Variants in FAM200C observed in about 807,000 individuals in gnomAD.
the FAM200C span, chr5:160,395,281 T>C: frequency 3.7e-6 from 6 of 1,614,182 alleles, no homozygotes; most frequent in East Asian, 4.5e-5. Context: ...CAGATGGTGC[T>C]GGCATATGCT....
the FAM200C span, chr5:160,395,238 C>T: frequency 1.1e-5 from 18 of 1,613,834 alleles, no homozygotes; most frequent in South Asian, 1.3e-4. Context: ...TCATGAGATG[C>T]AACTCCAAAT....
the FAM200C span, among the ~76,000 whole-genome samples, chr5:160,396,698 G>GA: frequency 0.033 from 1,556 of 47,838 alleles, 30 homozygotes; most frequent in African/African-American, 0.085. Flanking sequence ...AGTCTCTGTG[G>GA]AAAAAAAAAA....
At chr5:160,394,412 T>G in the FAM200C span, 1 of 1,613,556 alleles carries the variant, frequency 6.2e-7, no homozygotes. Context: ...ATCAACTAAA[T>G]TACTGCTCTT....
At chr5:160,393,670 TAA>T in the FAM200C span, 56 of 1,358,478 alleles carry the variant, frequency 4.1e-5, no homozygotes, top group African/African-American at 7.0e-4. Context: ...ACAATGATAT[TAA>T]GATTGAAATT....
At chr5:160,399,489 C>G in the FAM200C span, 2 of 152,210 alleles carry the variant, frequency 1.3e-5, no homozygotes, top group Admixed American at 1.3e-4. Context: ...TTACATTTTA[C>G]AGTTAAAATC....
the FAM200C span, chr5:160,394,050 T>TA: frequency 1.1e-5 from 17 of 1,611,376 alleles, no homozygotes; most frequent in Non-Finnish European, 1.4e-5. Flanking sequence ...AAATCGATAT[T>TA]AAAAAGAAAT....
At chr5:160,394,898 C>T in the FAM200C span, 1 of 1,612,804 alleles carries the variant, frequency 6.2e-7, no homozygotes, top group Non-Finnish European at 8.5e-7. Context: ...TACGATCTCT[C>T]TTTCTTTTAT....
chr5:160,394,045 G>A, the FAM200C span: 26 of 1,611,070 alleles, frequency 1.6e-5, no homozygotes, highest in African/African-American at 3.1e-4. Context: ...CAACAAAATC[G>A]ATATTAAAAA....
the FAM200C span, among the ~76,000 whole-genome samples, chr5:160,396,698 G>A: frequency 0.1 from 5,014 of 47,974 alleles, 277 homozygotes; most frequent in South Asian, 0.13. Context: ...AGTCTCTGTG[G>A]AAAAAAAAAA....
At chr5:160,397,854 C>G in the FAM200C span, among the ~76,000 whole-genome samples, 1 of 152,184 alleles carries the variant, frequency 6.6e-6, no homozygotes, top group African/African-American at 2.4e-5. Context: ...ACCATAAATG[C>G]TTATTTTTCT....
chr5:160,396,300 T>C, the FAM200C span, among the ~76,000 whole-genome samples: 2 of 152,182 alleles, frequency 1.3e-5, no homozygotes, highest in Non-Finnish European at 2.9e-5. Flanking sequence ...ATTTGAACCT[T>C]GAGCAGTTTT....
the FAM200C span, among the ~76,000 whole-genome samples, chr5:160,398,186 G>A: frequency 3.3e-5 from 5 of 152,102 alleles, no homozygotes; most frequent in African/African-American, 1.2e-4. Flanking sequence ...AGGTTGCTGT[G>A]AGCTGAGATC....
the FAM200C span, among the ~76,000 whole-genome samples, chr5:160,395,975 A>G: frequency 6.6e-6 from 1 of 152,180 alleles, no homozygotes. Context: ...CTAAATAAGG[A>G]AGGGTGGATT....
chr5:160,395,882 T>C, the FAM200C span, among the ~76,000 whole-genome samples: 3 of 152,174 alleles, frequency 2.0e-5, no homozygotes, highest in Non-Finnish European at 2.9e-5. Context: ...AAAGGGCATC[T>C]CACTACCACC....
chr5:160,399,773 C>G, the FAM200C span: 1 of 119,570 alleles, frequency 8.4e-6, no homozygotes. Context: ...AGAACGCCAG[C>G]TGCTAGGAAA....
chr5:160,394,513 AAGG>A, the FAM200C span: 1 of 1,614,148 alleles, frequency 6.2e-7, no homozygotes, highest in Non-Finnish European at 8.5e-7. Context: ...CAGTATGGAA[AAGG>A]AGGACACTAT....
At chr5:160,395,230 A>G in the FAM200C span, 1 of 1,614,042 alleles carries the variant, frequency 6.2e-7, no homozygotes, top group African/African-American at 1.3e-5. Flanking sequence ...AAGTATCCTC[A>G]TGAGATGCAA....
the FAM200C span, among the ~76,000 whole-genome samples, chr5:160,397,205 G>T: frequency 6.6e-6 from 1 of 152,182 alleles, no homozygotes; most frequent in African/African-American, 2.4e-5. Context: ...ACCTGGTTAA[G>T]TAGTCAGGCT....
the FAM200C span, chr5:160,393,891 T>C: frequency 5.7e-5 from 92 of 1,613,916 alleles, no homozygotes; most frequent in Non-Finnish European, 7.6e-5. Context: ...GGCATAAGGA[T>C]TTCTAGAGCT....
Sources: allele counts gnomAD v4.1 joint callset (sites outside exome capture counted in the v4.1 genomes callset), GRCh38; gene constraint gnomAD v4.1.1; transcripts MANE v1.5.